Variants in NCKAP5 observed in about 807,000 individuals in gnomAD.
NCKAP5 encodes the protein nck-associated protein 5.
In NCKAP5, 92 loss-of-function variants were observed where a neutral mutation model predicts 167.0. The ratio of observed to expected loss-of-function variants is 0.55; its 90% CI spans 0.47 to 0.66. NCKAP5 has a LOEUF of 0.66. NCKAP5 is among the 30% of genes least tolerant of loss of function. NCKAP5 has a pLI of 0.00. For missense variants in NCKAP5, 2,378 were observed against 2,315.0 expected, an observed-to-expected ratio of 1.03 and a Z score of -0.56; for synonymous variants, 891 against 877.4, an observed-to-expected ratio of 1.02 and a Z score of -0.27.
At chr2:133,552,742 T>C (rs1206722101) in intron 2 of NCKAP5, among the ~76,000 whole-genome samples, 24 of 117,966 alleles carry the variant, frequency 2.0e-4, no homozygotes, top group African/African-American at 7.3e-4. Context: ...ACTTAAAGTA[T>C]AATAAAAAAA....
chr2:132,714,656 A>G (rs1456206642), intron 19 of NCKAP5, among the ~76,000 whole-genome samples: 1 of 152,048 alleles, frequency 6.6e-6, no homozygotes, highest in Non-Finnish European at 1.5e-5. Flanking sequence ...CATCTCTACT[A>G]AAAATACAAA....
intron 8 of NCKAP5, among the ~76,000 whole-genome samples, chr2:132,906,162 T>C (rs1433577008): frequency 6.6e-6 from 1 of 152,196 alleles, no homozygotes; most frequent in African/African-American, 2.4e-5. Flanking sequence ...TTTTCTAAGA[T>C]GGTGTTTGGA....
intron 11 of NCKAP5, among the ~76,000 whole-genome samples, chr2:132,830,522 G>T (rs1687448359): frequency 6.6e-6 from 1 of 152,076 alleles, no homozygotes; most frequent in Admixed American, 6.6e-5. Context: ...GTGACCACCA[G>T]CAGAAGAGGT....
intron 3 of NCKAP5, among the ~76,000 whole-genome samples, chr2:133,380,356 T>G (rs943513421): frequency 1.3e-5 from 2 of 152,124 alleles, no homozygotes; most frequent in Admixed American, 1.3e-4. Flanking sequence ...CAATTAGAAT[T>G]TTTTTAATGT....
At chr2:132,691,373 C>A (rs1297826266) in intron 19 of NCKAP5, among the ~76,000 whole-genome samples, 1 of 152,060 alleles carries the variant, frequency 6.6e-6, no homozygotes, top group Non-Finnish European at 1.5e-5. Context: ...CTCCCCACAG[C>A]CTATAAGGTC....
intron 3 of NCKAP5, among the ~76,000 whole-genome samples, chr2:133,471,867 T>C (rs572019499): frequency 6.6e-6 from 1 of 152,224 alleles, no homozygotes; most frequent in Non-Finnish European, 1.5e-5. Context: ...TGAAAAATTA[T>C]CTTACTCAAG....
At chr2:132,756,745 C>G (rs910447487) in intron 16 of NCKAP5, among the ~76,000 whole-genome samples, 2 of 152,074 alleles carry the variant, frequency 1.3e-5, no homozygotes, top group Non-Finnish European at 2.9e-5. Context: ...TTTGGAAATG[C>G]GACACATTCA....
At position 132,881,325 on chromosome 2, in the gene NCKAP5, C is replaced by T. The variant is rs557371267; in HGVS notation, c.580-2409G>A. ...AAGTAGCTGGGATTACAGGTGACCACCACCACACCTGGCTAATTTTTGTAT... is the reference window on the plus strand; with the variant it reads ...AAGTAGCTGGGATTACAGGTGACCATCACCACACCTGGCTAATTTTTGTAT... On this transcript the variant is annotated intron_variant, in intron 8 of 19. Transcript: ENST00000409261. 6.6e-5 allele frequency among the ~76,000 whole-genome samples: 10 copies of T among 152,106 alleles called. No individual in the cohort carries two copies. In the South Asian group the frequency reaches 1.2e-3, roughly 19 times the overall value.
chr2:132,806,152 A>G (rs1454650405), intron 11 of NCKAP5, among the ~76,000 whole-genome samples: 1 of 152,136 alleles, frequency 6.6e-6, no homozygotes, highest in Non-Finnish European at 1.5e-5. Context: ...TATATATACC[A>G]CAGTTTCTTT....
At position 133,463,736 on chromosome 2, in the gene NCKAP5, G is replaced by A. The variant is rs115219579; in HGVS notation, c.69+53722C>T. On this transcript the variant is annotated intron_variant, in intron 3 of 19. Transcript: ENST00000409261. ...CAATGTTCTTCCAAATGAAGTGTTTGCTTTGCCTTGAAAAGACAAATTAAT... is the reference window on the plus strand; with the variant it reads ...CAATGTTCTTCCAAATGAAGTGTTTACTTTGCCTTGAAAAGACAAATTAAT... 1.5e-3 allele frequency among the ~76,000 whole-genome samples: 233 copies of A among 152,284 alleles called. 4 individuals carry two copies. The highest frequency in any genetic ancestry group is 5.2e-3 in the African/African-American group (215 of 41,564).
intron 16 of NCKAP5, among the ~76,000 whole-genome samples, chr2:132,761,776 C>T (rs1286638528): frequency 6.6e-6 from 1 of 152,170 alleles, no homozygotes; most frequent in Non-Finnish European, 1.5e-5. Context: ...TTCTTCTATG[C>T]TGACAACTGG....
At chr2:133,238,310 A>G (rs1369025254) in intron 4 of NCKAP5, among the ~76,000 whole-genome samples, 2 of 152,124 alleles carry the variant, frequency 1.3e-5, no homozygotes, top group Non-Finnish European at 2.9e-5. Context: ...AGTGGATAGA[A>G]CTCAATCTCC....
At chr2:133,173,082 G>C (rs925844201) in intron 5 of NCKAP5, among the ~76,000 whole-genome samples, 1 of 152,168 alleles carries the variant, frequency 6.6e-6, no homozygotes, top group Admixed American at 6.5e-5. Context: ...GCATCCTCAA[G>C]CCAGGGGCAA....
At chr2:132,759,441 C>T (rs1466628661) in intron 16 of NCKAP5, among the ~76,000 whole-genome samples, 3 of 151,906 alleles carry the variant, frequency 2.0e-5, no homozygotes, top group East Asian at 1.9e-4. Flanking sequence ...GTATGTGTAC[C>T]GATTTATAAA....
At chr2:133,075,585 A>G (rs2080572766) in intron 6 of NCKAP5, among the ~76,000 whole-genome samples, 1 of 152,214 alleles carries the variant, frequency 6.6e-6, no homozygotes, top group African/African-American at 2.4e-5. Flanking sequence ...GGGTCGTGCA[A>G]AGGACCTACA....
At chr2:132,953,373 A>T (rs905003790) in intron 8 of NCKAP5, among the ~76,000 whole-genome samples, 3 of 152,190 alleles carry the variant, frequency 2.0e-5, no homozygotes, top group Non-Finnish European at 2.9e-5. Context: ...GCTTCCTCCA[A>T]AACTAATTCA....
rs1338728048 is a variant in NCKAP5 at position 133,290,825 on chromosome 2, C to T, written c.143+12212G>A. On this transcript the variant is annotated intron_variant, in intron 4 of 19. Transcript: ENST00000409261. ...CTGGAGTACAGTGGCAGGAACAAAG[C>T]TCACTGCAGCCTCAGAGTCCTGGAC... Among the ~76,000 whole-genome samples, 3 of 146,816 alleles carry T rather than the reference C, an allele frequency of 2.0e-5. No individual in the cohort carries two copies. In the East Asian group the frequency reaches 6.1e-4, roughly 30 times the overall value.
At chr2:132,985,860 C>T (rs1445039327) in intron 7 of NCKAP5, among the ~76,000 whole-genome samples, 6 of 152,120 alleles carry the variant, frequency 3.9e-5, no homozygotes, top group Non-Finnish European at 5.9e-5. Context: ...AGATTATAGG[C>T]CACAGACATA....
intron 11 of NCKAP5, among the ~76,000 whole-genome samples, chr2:132,818,615 G>C (rs988996217): frequency 6.6e-6 from 1 of 152,218 alleles, no homozygotes; most frequent in African/African-American, 2.4e-5. Flanking sequence ...TTGAACCCGG[G>C]AGGTGGTGGT....
Sources: gnomAD v4.1 joint callset for allele counts (sites outside exome capture counted in the v4.1 genomes callset) on GRCh38, gnomAD v4.1.1 for gene constraint, MANE v1.5 for transcripts, NCBI Gene and HGNC (gene_info 2026-07-23, HGNC 2026-07-21) for gene names.